The following ROR1 variants were observed in gnomAD, a reference collection of about 807,000 sequenced individuals.
ROR1 encodes the protein inactive tyrosine-protein kinase transmembrane receptor ROR1.
ROR1 carries 19 observed loss-of-function variants against 78.8 expected under a neutral mutation model. The ratio of observed to expected loss-of-function variants is 0.24; its 90% confidence interval spans 0.17 to 0.35. The LOEUF is 0.35. Among genes scored for constraint, ROR1 ranks in the 10% least tolerant of loss-of-function variants. ROR1 has a pLI of 1.00. For missense variants in ROR1, 917 were observed against 1,177.8 expected (o/e 0.78, Z 3.24); for synonymous variants, 386 against 433.6 (o/e 0.89, Z 1.36).
At chr1:64,063,887 C>T (rs1275654258) in intron 4 of ROR1, among the ~76,000 whole-genome samples, 1 of 152,142 alleles carries the variant, frequency 6.6e-6, no homozygotes, top group Non-Finnish European at 1.5e-5. Flanking sequence ...GTCCATGCAA[C>T]CAGATAGGAC....
chr1:63,891,306 G>A (rs1195504709), intron 1 of ROR1, among the ~76,000 whole-genome samples: 1 of 152,170 alleles, frequency 6.6e-6, no homozygotes, highest in Non-Finnish European at 1.5e-5. Flanking sequence ...AAATACCCTA[G>A]AGACTGTCAA....
intron 1 of ROR1, among the ~76,000 whole-genome samples, chr1:63,793,116 G>A (rs1644737012): frequency 6.6e-6 from 1 of 152,208 alleles, no homozygotes; most frequent in Non-Finnish European, 1.5e-5. Flanking sequence ...ATTTGTCCCA[G>A]AGTCTTGTGG....
chr1:64,131,750 G>C (rs532603165), intron 4 of ROR1, among the ~76,000 whole-genome samples: 30 of 152,208 alleles, frequency 2.0e-4, no homozygotes, highest in Admixed American at 5.9e-4. Context: ...GAATAGATAG[G>C]ACTACATGTG....
At chr1:64,135,090 T>G (rs1011976898) in intron 4 of ROR1, among the ~76,000 whole-genome samples, 6 of 151,868 alleles carry the variant, frequency 4.0e-5, no homozygotes, top group Non-Finnish European at 7.4e-5. Flanking sequence ...GGTTTTGGGG[T>G]TTTTTTGTGT....
chr1:64,068,304 A>G (rs778567388), intron 4 of ROR1, among the ~76,000 whole-genome samples: 9 of 152,232 alleles, frequency 5.9e-5, no homozygotes, highest in Non-Finnish European at 1.3e-4. Context: ...CATATGCAAC[A>G]TAGTATCAGT....
intron 7 of ROR1, chr1:64,143,095 A>G (rs11208365): frequency 0.19 from 195,442 of 1,015,042 alleles, 19,510 homozygotes; most frequent in Non-Finnish European, 0.2. Context: ...GTCATCCAGG[A>G]CAATCTGTGG....
At position 63,925,861 on chromosome 1, in the gene ROR1, G is replaced by T. The variant is rs1394746189; in HGVS notation, c.92-83444G>T. Among the ~76,000 whole-genome samples, 5 of 151,428 alleles carry T rather than the reference G, an allele frequency of 3.3e-5. No individual in the cohort carries two copies. The East Asian group carries it at 9.8e-4, about 30-fold the overall frequency. On this transcript the variant is annotated intron_variant, in intron 1 of 8. Transcript: ENST00000371079. ...CCATCGCCCACTTTTTGATGGGGTT[G>T]TTTGTTTTTTTCTTGTAAATTTGTT... is the stretch of plus-strand genomic sequence containing the variant.
chr1:64,177,324 T>G, intron 8 of ROR1, 104 bp from the exon 9 acceptor site: 1 of 847,064 alleles, frequency 1.2e-6, no homozygotes, highest in South Asian at 1.7e-5. Flanking sequence ...TTATTGAATT[T>G]GTTTATAGAA....
chr1:64,148,049 G>T, intron 7 of ROR1, among the ~76,000 whole-genome samples: 1 of 152,128 alleles, frequency 6.6e-6, no homozygotes, highest in East Asian at 1.9e-4. Context: ...TTTCTACACT[G>T]TACAATTGTA....
chr1:64,056,730 A>G lies in ROR1; in HGVS notation c.482+6014A>G, dbSNP rs150902852. On this transcript the variant is annotated intron_variant, in intron 4 of 8. Transcript: ENST00000371079. ...GCCATCCTCGTGAGTGTGAAATGGTATCTCATTGTGGTTTTGATTTGCATT... is the reference window on the plus strand; with the variant it reads ...GCCATCCTCGTGAGTGTGAAATGGTGTCTCATTGTGGTTTTGATTTGCATT... Among the ~76,000 whole-genome samples the G allele has an allele frequency of 6.9e-3, 1,044 of 151,392 alleles. 15 individuals are homozygous for G. The highest frequency in any genetic ancestry group is 0.024 in the African/African-American group (982 of 41,346).
chr1:63,863,685 A>T (rs1254544785), intron 1 of ROR1, among the ~76,000 whole-genome samples: 1 of 151,954 alleles, frequency 6.6e-6, no homozygotes, highest in Non-Finnish European at 1.5e-5. Context: ...CACAGACTAC[A>T]TTTTCCAGCA....
chr1:63,921,225 A>G (rs866310274), intron 1 of ROR1, among the ~76,000 whole-genome samples: 1 of 152,154 alleles, frequency 6.6e-6, no homozygotes, highest in South Asian at 2.1e-4. Flanking sequence ...TGAGTTCTTC[A>G]GGGCAGTGCT....
chr1:64,099,871 T>C (rs1028403791), intron 4 of ROR1, among the ~76,000 whole-genome samples: 1 of 151,958 alleles, frequency 6.6e-6, no homozygotes, highest in Non-Finnish European at 1.5e-5. Context: ...CTGGCCAATA[T>C]GGTGAAAACC....
At chr1:63,979,652 G>C (rs1415296237) in intron 1 of ROR1, among the ~76,000 whole-genome samples, 1 of 152,218 alleles carries the variant, frequency 6.6e-6, no homozygotes, top group East Asian at 1.9e-4. Context: ...GAAGCCAGTG[G>C]GCATGGGGCT....
intron 1 of ROR1, among the ~76,000 whole-genome samples, chr1:63,975,508 A>G (rs1243279547): frequency 3.3e-5 from 5 of 152,164 alleles, no homozygotes; most frequent in Admixed American, 2.6e-4. Flanking sequence ...TCAGAAATCA[A>G]CTTTTCTTTG....
At chr1:63,959,713 A>G (rs74078162) in intron 1 of ROR1, among the ~76,000 whole-genome samples, 4,609 of 152,298 alleles carry the variant, frequency 0.03, 238 homozygotes, top group African/African-American at 0.11. Context: ...CCGAATCAAC[A>G]TGAGCTAAGG....
At chr1:64,017,769 A>G (rs1050517308) in intron 2 of ROR1, among the ~76,000 whole-genome samples, 1 of 152,102 alleles carries the variant, frequency 6.6e-6, no homozygotes, top group Non-Finnish European at 1.5e-5. Context: ...CCTCCCAGCA[A>G]CCGCTGCCCC....
At chr1:64,165,169 G>C (rs967677352) in intron 8 of ROR1, among the ~76,000 whole-genome samples, 1 of 152,124 alleles carries the variant, frequency 6.6e-6, no homozygotes, top group African/African-American at 2.4e-5. Flanking sequence ...AGATATTTTA[G>C]GTTTCCACAA....
chr1:64,012,480 C>G (rs1479726092), intron 2 of ROR1, among the ~76,000 whole-genome samples: 1 of 152,194 alleles, frequency 6.6e-6, no homozygotes, highest in Non-Finnish European at 1.5e-5. Context: ...GAGACACTGA[C>G]AGCAGCAAAC....
Sources: allele counts gnomAD v4.1 joint callset (sites outside exome capture counted in the v4.1 genomes callset), GRCh38; gene constraint gnomAD v4.1.1; transcripts MANE v1.5; gene names NCBI Gene and HGNC (gene_info 2026-07-23, HGNC 2026-07-21).